Variants in CCDC6 observed in about 807,000 individuals in gnomAD.
The protein encoded by CCDC6 is coiled-coil domain containing 6.
CCDC6 carries 20 observed loss-of-function variants against 56.6 expected under a neutral mutation model. The ratio of observed to expected loss-of-function variants is 0.35; its 90% CI spans 0.25 to 0.51. The LOEUF (loss-of-function observed/expected upper bound fraction) is 0.51, where lower values mean the gene tolerates loss of function less well. Ranked by LOEUF, CCDC6 falls within the 20% of genes least tolerant of loss-of-function variation. The pLI, the probability that CCDC6 is intolerant of heterozygous loss-of-function variation, is 0.95. For missense variants in CCDC6, 367 were observed against 601.1 expected, an observed-to-expected ratio of 0.61 and a Z score of 4.07; for synonymous variants, 241 against 234.4, an observed-to-expected ratio of 1.03 and a Z score of -0.26.
At chr10:59,904,644 G>GC (rs1248153163) in intron 1 of CCDC6, among the ~76,000 whole-genome samples, 2 of 152,066 alleles carry the variant, frequency 1.3e-5, no homozygotes, top group East Asian at 1.9e-4. Flanking sequence ...CAAATTCCCC[G>GC]CCCCCCACCT....
intron 3 of CCDC6, among the ~76,000 whole-genome samples, chr10:59,818,025 G>A (rs779372738): frequency 6.6e-6 from 1 of 152,042 alleles, no homozygotes; most frequent in Non-Finnish European, 1.5e-5. Context: ...AACGGATATC[G>A]GTCACCATGG....
chr10:59,873,679 T>G (rs1486735003), intron 1 of CCDC6, among the ~76,000 whole-genome samples: 2 of 152,240 alleles, frequency 1.3e-5, no homozygotes, highest in Non-Finnish European at 2.9e-5. Context: ...TAAGAGACTG[T>G]GGAGCTATAT....
At chr10:59,817,904 C>T (rs750643757) in intron 3 of CCDC6, among the ~76,000 whole-genome samples, 4 of 152,108 alleles carry the variant, frequency 2.6e-5, no homozygotes, top group East Asian at 1.9e-4. Flanking sequence ...GGGCTAGTTC[C>T]GTCACACGCA....
At chr10:59,817,237 G>C (rs1457817160) in intron 3 of CCDC6, among the ~76,000 whole-genome samples, 1 of 152,138 alleles carries the variant, frequency 6.6e-6, no homozygotes, top group African/African-American at 2.4e-5. Flanking sequence ...CTGGAGTGCA[G>C]TGGCACGATC....
chr10:59,870,186 T>C (rs1227847159), intron 1 of CCDC6, among the ~76,000 whole-genome samples: 1 of 152,190 alleles, frequency 6.6e-6, no homozygotes, highest in Non-Finnish European at 1.5e-5. Context: ...GCCTGGCATA[T>C]GGCAAGTACT....
intron 1 of CCDC6, among the ~76,000 whole-genome samples, chr10:59,893,402 C>T (rs1487736160): frequency 6.6e-6 from 1 of 152,054 alleles, no homozygotes; most frequent in Non-Finnish European, 1.5e-5. Context: ...AGCTGGAGAT[C>T]AGCCTGGGCA....
chr10:59,849,004 C>A (rs989086550), intron 2 of CCDC6, among the ~76,000 whole-genome samples: 4 of 152,240 alleles, frequency 2.6e-5, no homozygotes, highest in African/African-American at 7.2e-5. Flanking sequence ...GCGTGAGCCA[C>A]CACGCTCAGC....
intron 7 of CCDC6, among the ~76,000 whole-genome samples, chr10:59,799,964 T>G (rs1424982572): frequency 6.6e-6 from 1 of 152,234 alleles, no homozygotes; most frequent in Admixed American, 6.5e-5. Context: ...GCACTTTAGC[T>G]CATTAACTCC....
chr10:59,889,280 T>C (rs1320785144), intron 1 of CCDC6, among the ~76,000 whole-genome samples: 2 of 152,056 alleles, frequency 1.3e-5, no homozygotes, highest in Non-Finnish European at 2.9e-5. Flanking sequence ...GAGAAAGCAT[T>C]CTATGGGAGG....
chr10:59,846,930 C>CA (rs1190381254), intron 2 of CCDC6, among the ~76,000 whole-genome samples: 10 of 152,306 alleles, frequency 6.6e-5, no homozygotes, highest in African/African-American at 2.4e-4. Flanking sequence ...TTTGGCCCTG[C>CA]ATAAAAGCAG....
At chr10:59,841,419 A>G (rs1215545656) in intron 2 of CCDC6, among the ~76,000 whole-genome samples, 1 of 152,134 alleles carries the variant, frequency 6.6e-6, no homozygotes, top group Non-Finnish European at 1.5e-5. Flanking sequence ...ATGCTTTCAT[A>G]TTTTCACATT....
At chr10:59,846,365 C>T (rs1564747567) in intron 2 of CCDC6, among the ~76,000 whole-genome samples, 1 of 152,124 alleles carries the variant, frequency 6.6e-6, no homozygotes, top group Non-Finnish European at 1.5e-5. Context: ...GCATGATATC[C>T]TTCTGAACTG....
chr10:59,822,888 C>T (rs957178103), intron 3 of CCDC6, among the ~76,000 whole-genome samples: 1 of 142,206 alleles, frequency 7.0e-6, no homozygotes, highest in Non-Finnish European at 1.6e-5. Context: ...TCCCACCCCA[C>T]CCTATGCTTA....
At chr10:59,838,248 C>T (rs1206528179) in intron 2 of CCDC6, among the ~76,000 whole-genome samples, 1 of 129,900 alleles carries the variant, frequency 7.7e-6, no homozygotes, top group East Asian at 2.1e-4. Context: ...ACACACTCTC[C>T]TTTGTGTGTG....
chr10:59,792,692 A>G lies in CCDC6; in HGVS notation c.*225T>C. The G allele has an allele frequency of 1.3e-6, 1 of 757,592 alleles. No homozygotes were observed. The highest frequency in any genetic ancestry group is 2.4e-6 in the Non-Finnish European group (1 of 413,714). 46.9% of individuals were successfully genotyped at this position (757,592 alleles called of 1,614,324 possible). On this transcript the variant is annotated 3_prime_UTR_variant, in exon 9 of 9. Transcript: ENST00000263102. The stretch of plus-strand genomic sequence containing the variant: ...CCAGCCAGGGAATGGACGTACATGA[A>G]GATTCAAGTAAAACACTGATGGAAA...
At chr10:59,896,630 A>G (rs1419412470) in intron 1 of CCDC6, among the ~76,000 whole-genome samples, 1 of 152,070 alleles carries the variant, frequency 6.6e-6, no homozygotes, top group Non-Finnish European at 1.5e-5. Flanking sequence ...AAACAAACAA[A>G]CAAAAAAAAT....
intron 2 of CCDC6, among the ~76,000 whole-genome samples, chr10:59,847,076 G>A (rs983149556): frequency 2.0e-5 from 3 of 150,840 alleles, no homozygotes; most frequent in Admixed American, 6.6e-5. Context: ...TTTTTGAGAC[G>A]GAGTCTCGCT....
At chr10:59,823,912 A>ACTGCAGCAAACCACTGCCCTT (rs1564742378) in intron 3 of CCDC6, among the ~76,000 whole-genome samples, 1 of 152,204 alleles carries the variant, frequency 6.6e-6, no homozygotes, top group Non-Finnish European at 1.5e-5. Flanking sequence ...TCACTGCTCT[A>ACTGCAGCAAACCACTGCCCTT]CTGCAGCAAA....
rs75340698 is a variant in CCDC6, at chr10:59,816,942, G to A, written c.583-2187C>T. Among the ~76,000 whole-genome samples, 486 of 152,290 alleles carry A rather than the reference G, an allele frequency of 3.2e-3. 4 individuals carry two copies. Among genetic ancestry groups the A allele is most frequent in the African/African-American group, 0.011 (462 of 41,568 alleles). Reference sequence around the variant, plus strand: ...ATGTTGTTTTTGCATGGCAGAATTTGATTCTGAAGAACAGTTCAAGGGCAA... The same window carrying A: ...ATGTTGTTTTTGCATGGCAGAATTTAATTCTGAAGAACAGTTCAAGGGCAA... On this transcript the variant is annotated intron_variant, in intron 3 of 8. Transcript: ENST00000263102.
Sources: gnomAD v4.1 joint callset for allele counts (sites outside exome capture counted in the v4.1 genomes callset) on GRCh38, gnomAD v4.1.1 for gene constraint, MANE v1.5 for transcripts, NCBI Gene and HGNC (gene_info 2026-07-23, HGNC 2026-07-21) for gene names.